SORCS2: variants seen among roughly 807,000 people sequenced by gnomAD.
SORCS2 encodes VPS10 domain-containing receptor SorCS2.
Under a neutral mutation model 141.6 loss-of-function variants are expected in SORCS2, and 100 were observed. The observed-to-expected ratio is 0.71, with a 90% confidence interval of 0.60 to 0.83. The LOEUF is 0.83. Ranked by LOEUF, SORCS2 falls within the 40% of genes least tolerant of loss-of-function variation. The pLI, the probability that SORCS2 is intolerant of heterozygous loss-of-function variation, is 0.00. For missense variants in SORCS2, 1,646 were observed against 1,560.2 expected, an observed-to-expected ratio of 1.05 and a Z score of -0.93; for synonymous variants, 789 against 676.9, an observed-to-expected ratio of 1.17 and a Z score of -2.57.
intron 1 of SORCS2, among the ~76,000 whole-genome samples, chr4:7,374,931 C>A (rs777308649): frequency 6.6e-6 from 1 of 152,172 alleles, no homozygotes; most frequent in Non-Finnish European, 1.5e-5. Context: ...CTCACCTTTA[C>A]AGTGGACACT....
At chr4:7,638,247 G>T (rs73202520) in intron 3 of SORCS2, 81 bp from the exon 4 acceptor site, 1 of 1,449,456 alleles carries the variant, frequency 6.9e-7, no homozygotes, top group Non-Finnish European at 9.1e-7. Context: ...AGGCGCACCT[G>T]GCCCAGGCCT....
intron 1 of SORCS2, among the ~76,000 whole-genome samples, chr4:7,325,034 C>T (rs989521265): frequency 6.6e-6 from 1 of 152,122 alleles, no homozygotes; most frequent in Admixed American, 6.5e-5. Flanking sequence ...ATGTGGGTGG[C>T]GCACAGGACC....
chr4:7,254,735 G>A (rs865870557), intron 1 of SORCS2, among the ~76,000 whole-genome samples: 5 of 152,240 alleles, frequency 3.3e-5, no homozygotes, highest in Admixed American at 1.3e-4. Context: ...AGTGCTGGCT[G>A]TATGGGCTTG....
chr4:7,239,635 C>T (rs569733071), intron 1 of SORCS2, among the ~76,000 whole-genome samples: 29 of 152,194 alleles, frequency 1.9e-4, no homozygotes, highest in African/African-American at 3.1e-4. Context: ...GGGCTGGGCC[C>T]GGCTGGGTCG....
At chr4:7,666,819 CCTT>C (rs1212880057) in intron 7 of SORCS2, among the ~76,000 whole-genome samples, 1 of 152,096 alleles carries the variant, frequency 6.6e-6, no homozygotes, top group Non-Finnish European at 1.5e-5. Context: ...TGGCCTGTCT[CCTT>C]CTCCATCGGA....
chr4:7,305,737 G>C (rs1232693313), intron 1 of SORCS2, among the ~76,000 whole-genome samples: 1 of 152,218 alleles, frequency 6.6e-6, no homozygotes, highest in African/African-American at 2.4e-5. Context: ...GATGCCGCTT[G>C]GTGGAAGTGG....
At chr4:7,504,394 G>A (rs1732157117) in intron 2 of SORCS2, among the ~76,000 whole-genome samples, 1 of 152,234 alleles carries the variant, frequency 6.6e-6, no homozygotes, top group Admixed American at 6.5e-5. Context: ...GGGAAGTGGA[G>A]AGACACGAAG....
Position 7,690,558 on chromosome 4 carries a change from G to A in SORCS2, c.1591+970G>A, listed in dbSNP as rs1018582234. Among the ~76,000 whole-genome samples, 7 of 151,664 alleles carry A rather than the reference G, an allele frequency of 4.6e-5. 1 individual carries two copies. The highest frequency in any genetic ancestry group is 4.2e-4 in the South Asian group (2 of 4,796). On this transcript the variant is annotated intron_variant, in intron 11 of 26. Transcript: ENST00000507866. ...GGATGATGCATGATGGATGGATGGC[G>A]GTGGATGGGTGGTGGATAGGCAGAT...
chr4:7,257,195 C>A (rs1036943344), intron 1 of SORCS2, among the ~76,000 whole-genome samples: 4 of 152,120 alleles, frequency 2.6e-5, no homozygotes, highest in Non-Finnish European at 4.4e-5. Flanking sequence ...ATATTTCACA[C>A]AGATGGTGGC....
chr4:7,718,032 A>C lies in SORCS2; in HGVS notation c.2273A>C (p.Asn758Thr). The C allele has an allele frequency of 5.0e-6, 8 of 1,606,488 alleles. No individual in the cohort carries two copies. Among genetic ancestry groups the C allele is most frequent in the Non-Finnish European group, 6.8e-6 (8 of 1,176,410 alleles). The change falls in exon 18 of 27, where the codon AAC (asparagine) becomes ACC (threonine). Residue 758 changes from asparagine to threonine, a missense_variant. Coordinates refer to ENST00000507866, the MANE Select transcript of SORCS2 (RefSeq NM_020777.3). ...SSLGYRKVVS[N>T]VCEGGVDMQQ... ...TCCAGGTACCGGAAAGTGGTGTCCA[A>C]CGTGTGTGAGGGTGGGGTGGACATG...
rs141416805 is a variant in SORCS2, at chr4:7,237,332, T to C, written c.480+44206T>C. On this transcript the variant is annotated intron_variant, in intron 1 of 26. Transcript: ENST00000507866. ...TATTTGAAGAAAGGCTTTATGCTCCTGGTGGCCTTCTGGTCTGTGTCCGCT... is the reference window on the plus strand; with the variant it reads ...TATTTGAAGAAAGGCTTTATGCTCCCGGTGGCCTTCTGGTCTGTGTCCGCT... 6.6e-5 allele frequency among the ~76,000 whole-genome samples: 10 copies of C among 152,332 alleles called. No individual in the cohort carries two copies. In the East Asian group the frequency reaches 1.7e-3, roughly 26 times the overall value.
intron 2 of SORCS2, among the ~76,000 whole-genome samples, chr4:7,440,098 T>C (rs1577566524): frequency 6.6e-6 from 1 of 152,204 alleles, no homozygotes; most frequent in Admixed American, 6.5e-5. Context: ...CCATTGGCTG[T>C]ATTTATTTTT....
At chr4:7,490,993 C>T (rs1731283067) in intron 2 of SORCS2, among the ~76,000 whole-genome samples, 1 of 152,158 alleles carries the variant, frequency 6.6e-6, no homozygotes, top group Admixed American at 6.5e-5. Flanking sequence ...GCTGGTCTCG[C>T]CCCTCCTCTC....
rs547751176 is a variant in SORCS2 at position 7,702,177 on chromosome 4, T to C, written c.1669-1103T>C. 5.3e-5 allele frequency among the ~76,000 whole-genome samples: 8 copies of C among 151,906 alleles called. No homozygotes were observed. The East Asian group carries it at 1.6e-3, about 30-fold the overall frequency. Reference sequence around the variant, plus strand: ...GGGTCTGCCTGGGGTGGCTGTCCTCTGTCCCCTCCTGGGCTTTCCTGTGTC... The same window carrying C: ...GGGTCTGCCTGGGGTGGCTGTCCTCCGTCCCCTCCTGGGCTTTCCTGTGTC... On this transcript the variant is annotated intron_variant, in intron 12 of 26. Transcript: ENST00000507866.
At chr4:7,602,555 G>T (rs1382865822) in intron 3 of SORCS2, among the ~76,000 whole-genome samples, 2 of 151,026 alleles carry the variant, frequency 1.3e-5, no homozygotes, top group Non-Finnish European at 3.0e-5. Context: ...TCCTAGATGG[G>T]ATGGCGGCGG....
intron 4 of SORCS2, among the ~76,000 whole-genome samples, chr4:7,653,435 G>A (rs1315330379): frequency 6.6e-6 from 1 of 152,068 alleles, no homozygotes; most frequent in Admixed American, 6.5e-5. Flanking sequence ...TAGAGGCGGG[G>A]TTTCTCCATG....
chr4:7,540,359 C>G (rs1417723387), intron 3 of SORCS2, among the ~76,000 whole-genome samples: 1 of 152,084 alleles, frequency 6.6e-6, no homozygotes, highest in Non-Finnish European at 1.5e-5. Context: ...GTCCCGTGGA[C>G]ATAGGACCCC....
chr4:7,710,775 G>A (rs1286557449), intron 14 of SORCS2, among the ~76,000 whole-genome samples: 7 of 152,238 alleles, frequency 4.6e-5, no homozygotes, highest in East Asian at 1.9e-4. Context: ...AGAAGCGGAC[G>A]GACGCGGCAG....
chr4:7,344,637 G>A (rs1391365546), intron 1 of SORCS2, among the ~76,000 whole-genome samples: 26 of 152,218 alleles, frequency 1.7e-4, no homozygotes, highest in Admixed American at 1.7e-3. Flanking sequence ...GGACACTGAG[G>A]TGAGGGGCAG....
Sources: allele counts gnomAD v4.1 joint callset (sites outside exome capture counted in the v4.1 genomes callset), GRCh38; gene constraint gnomAD v4.1.1; transcripts MANE v1.5; gene names NCBI Gene and HGNC (gene_info 2026-07-23, HGNC 2026-07-21).